MFSD6: variants seen among roughly 807,000 people sequenced by gnomAD.
The protein encoded by MFSD6 is major facilitator superfamily domain-containing protein 6.
A neutral mutation model predicts 56.3 loss-of-function variants in MFSD6; 26 were observed. The observed-to-expected ratio is 0.46, with a 90% CI of 0.34 to 0.64. MFSD6 has a LOEUF of 0.64. Among genes scored for constraint, MFSD6 ranks in the 30% least tolerant of loss-of-function variants. The probability of loss-of-function intolerance (pLI) is 0.01; values close to 1 mark genes in which losing one functional copy is unlikely to be tolerated. For missense variants in MFSD6, 750 were observed against 986.2 expected (o/e 0.76, Z 3.21); for synonymous variants, 331 against 366.9 (o/e 0.90, Z 1.12).
chr2:190,417,990 GTGTGTGTGTGTA>G lies in MFSD6; in HGVS notation c.-54+2582_-54+2593del, dbSNP rs1176494899. 5.2e-4 allele frequency among the ~76,000 whole-genome samples: 78 copies of G among 151,302 alleles called. No homozygotes were observed. The highest frequency in any genetic ancestry group is 3.2e-3 in the Middle Eastern group (1 of 316). On this transcript the variant is annotated intron_variant, in intron 2 of 7. Coordinates refer to ENST00000392328, the MANE Select transcript of MFSD6 (RefSeq NM_017694.4). This position sits in a 1 kb window ranked among gnomAD's most constrained non-coding sequence, Gnocchi z 5.7. ...GGTGTGTGTGTGTGTGTGTGTGTGT[GTGTGTGTGTGTA>G]TGTGAGAGAGAGAGAGATGTGGTTT...
At chr2:190,441,012 A>C (rs1210213334) in intron 3 of MFSD6, among the ~76,000 whole-genome samples, 1 of 152,180 alleles carries the variant, frequency 6.6e-6, no homozygotes, top group African/African-American at 2.4e-5. Flanking sequence ...AATAGCAGTA[A>C]GTATTATAAG....
chr2:190,489,766 A>AG lies in MFSD6; in HGVS notation c.1795dup. ...TCTATAGAGTGCTGTTTGTTTTTAT[A>AG]GGGGCTGCTGCAACCTTCCGAGGAA... On this transcript the variant is annotated splice_acceptor_variant, in intron 5 of 7. Transcript: ENST00000392328. LOFTEE classifies it high-confidence loss of function. The surrounding 1 kb of genome is among the most constrained non-coding windows in gnomAD (Gnocchi z 6.6). 1 of 1,613,622 alleles carries AG rather than the reference A, an allele frequency of 6.2e-7. No homozygotes were observed. The highest frequency in any genetic ancestry group is 1.1e-5 in the South Asian group (1 of 90,982).
Position 190,490,231 on chromosome 2 carries a change from G to A in MFSD6, c.1891+365G>A, listed in dbSNP as rs1040192975. Among the ~76,000 whole-genome samples, 2 of 151,328 alleles carry A rather than the reference G, an allele frequency of 1.3e-5. No homozygotes were observed. Among genetic ancestry groups the A allele is most frequent in the African/African-American group, 4.9e-5 (2 of 41,176 alleles). Reference sequence around the variant, plus strand: ...TTGCTACTAGGGATAGGGAGTGAGTGGTAATCTTCTCTATGACTTACCTTC... The same window carrying A: ...TTGCTACTAGGGATAGGGAGTGAGTAGTAATCTTCTCTATGACTTACCTTC... On this transcript the variant is annotated intron_variant, in intron 6 of 7. Coordinates refer to ENST00000392328, the MANE Select transcript of MFSD6 (RefSeq NM_017694.4). The surrounding 1 kb of genome is among the most constrained non-coding windows in gnomAD (Gnocchi z 4.5).
chr2:190,441,483 C>T (rs1395416412), intron 3 of MFSD6, among the ~76,000 whole-genome samples: 26 of 101,328 alleles, frequency 2.6e-4, no homozygotes, highest in African/African-American at 7.6e-4. Flanking sequence ...GGAGGAGGGG[C>T]GGGGGTTGGG....
In MFSD6 at chr2:190,410,340, G is replaced by A. The variant is rs1690508692; in HGVS notation, c.-176+1837G>A. On this transcript the variant is annotated intron_variant, in intron 1 of 7. Transcript: ENST00000392328. The surrounding 1 kb of genome is among the most constrained non-coding windows in gnomAD (Gnocchi z 4.4). ...GCAACTTACACAAACCACATAATCA[G>A]TAAGAGGTAGAGTTAAATTTGACCT... Among the ~76,000 whole-genome samples the A allele has an allele frequency of 6.6e-6, 1 of 152,142 alleles. No homozygotes were observed. Among genetic ancestry groups the A allele is most frequent in the South Asian group, 2.1e-4 (1 of 4,830 alleles).
intron 2 of MFSD6, 38 bp from the exon 3 acceptor site, chr2:190,435,939 T>A: frequency 6.8e-7 from 1 of 1,469,142 alleles, no homozygotes; most frequent in South Asian, 1.4e-5. Flanking sequence ...ATGTTATGAT[T>A]TTCATTACTA....
At chr2:190,427,223 T>C (rs1357180129) in intron 2 of MFSD6, among the ~76,000 whole-genome samples, 2 of 152,238 alleles carry the variant, frequency 1.3e-5, no homozygotes, top group African/African-American at 4.8e-5. Flanking sequence ...TGTGGCCTCA[T>C]TACTGCCTAG....
intron 3 of MFSD6, among the ~76,000 whole-genome samples, chr2:190,448,695 G>A (rs1415797983): frequency 6.6e-6 from 1 of 152,196 alleles, no homozygotes; most frequent in African/African-American, 2.4e-5. Flanking sequence ...TAAATTCACA[G>A]TTGCCCTAGC....
intron 4 of MFSD6, among the ~76,000 whole-genome samples, chr2:190,474,890 T>C (rs570522181): frequency 1.3e-5 from 2 of 152,322 alleles, no homozygotes; most frequent in Non-Finnish European, 2.9e-5. Context: ...GCTTCATCCC[T>C]GGGATGCAAG....
At chr2:190,442,516 C>G (rs1686417713) in intron 3 of MFSD6, 1 of 151,948 alleles carries the variant, frequency 6.6e-6, no homozygotes, top group African/African-American at 2.4e-5. Flanking sequence ...AAGCCAGGAG[C>G]CCACTGAGAA....
In MFSD6 at chr2:190,457,896, G is replaced by T. The variant is rs1687125644; in HGVS notation, c.1533-11862G>T. Among the ~76,000 whole-genome samples, 1 of 152,180 alleles carries T rather than the reference G, an allele frequency of 6.6e-6. No individual in the cohort carries two copies. Among genetic ancestry groups the T allele is most frequent in the South Asian group, 2.1e-4 (1 of 4,828 alleles). ...AAAACCAGATTAATTAGCACTGTTT[G>T]TAAAAGGTTTTCATTTGACCTCAAC... is the stretch of plus-strand genomic sequence containing the variant. On this transcript the variant is annotated intron_variant, in intron 3 of 7. Coordinates refer to ENST00000392328, the MANE Select transcript of MFSD6 (RefSeq NM_017694.4). The surrounding 1 kb of genome is among the most constrained non-coding windows in gnomAD (Gnocchi z 5.1).
chr2:190,468,584 C>G (rs777753314), intron 3 of MFSD6, among the ~76,000 whole-genome samples: 5 of 150,532 alleles, frequency 3.3e-5, no homozygotes, highest in Non-Finnish European at 2.9e-5. Flanking sequence ...TCCCAAGTAG[C>G]TGGGACTATA....
rs1031602525 is a variant in MFSD6, at chr2:190,433,257, T to G, written c.-53-2720T>G. The stretch of plus-strand genomic sequence containing the variant: ...ATTTGAAACACAAGAAATGTTTCTT[T>G]GAATTTTGAGCTCAGGAATTAAATT... On this transcript the variant is annotated intron_variant, in intron 2 of 7. Transcript: ENST00000392328. This position sits in a 1 kb window ranked among gnomAD's most constrained non-coding sequence, Gnocchi z 4.5. The G allele has an allele frequency of 6.6e-6, 1 of 151,358 alleles. No homozygotes were observed. Among genetic ancestry groups the G allele is most frequent in the African/African-American group, 2.4e-5 (1 of 41,408 alleles). The allele number at this position is 151,358 out of a possible 1,614,324, so 9.4% of individuals were successfully genotyped here. A position where few individuals can be genotyped will look rare whatever the true frequency, so the allele number is the denominator to read the frequency against.
rs1686069585 is a variant in MFSD6, at chr2:190,433,282, T to A, written c.-53-2695T>A. On this transcript the variant is annotated intron_variant, in intron 2 of 7. Transcript: ENST00000392328. The surrounding 1 kb of genome is among the most constrained non-coding windows in gnomAD (Gnocchi z 4.5). Reference sequence around the variant, plus strand: ...TGAATTTTGAGCTCAGGAATTAAATTAATTTAGAAAATAGATTTGAGGGCA... The same window carrying A: ...TGAATTTTGAGCTCAGGAATTAAATAAATTTAGAAAATAGATTTGAGGGCA... 6.6e-6 allele frequency: 1 copy of A among 151,700 alleles called. No homozygotes were observed. Among genetic ancestry groups the A allele is most frequent in the Non-Finnish European group, 1.5e-5 (1 of 68,016 alleles). The allele number at this position is 151,700 out of a possible 1,614,324, so 9.4% of individuals were successfully genotyped here.
At position 190,482,954 on chromosome 2, in the gene MFSD6, C is replaced by T. The variant is rs559098573; in HGVS notation, c.1631-5703C>T. On this transcript the variant is annotated intron_variant, in intron 4 of 7. Transcript: ENST00000392328. ...GGCCGGACTGCGGACTGCAGTGGCG[C>T]AATCTCGGCTCACTGCAAGCTCTGC... Among the ~76,000 whole-genome samples, 143 of 126,756 alleles carry T rather than the reference C, an allele frequency of 1.1e-3. 1 individual carries two copies. The highest frequency in any genetic ancestry group is 3.9e-3 in the African/African-American group (132 of 34,020). 83.2% of individuals were successfully genotyped at this position (126,756 alleles called of 152,430 possible). A position where few individuals can be genotyped will look rare whatever the true frequency, so the allele number is the denominator to read the frequency against.
chr2:190,465,369 G>A lies in MFSD6; in HGVS notation c.1533-4389G>A, dbSNP rs1234879087. Among the ~76,000 whole-genome samples the A allele has an allele frequency of 6.6e-6, 1 of 151,846 alleles. No individual in the cohort carries two copies. The highest frequency in any genetic ancestry group is 2.4e-5 in the African/African-American group (1 of 41,324). ...TGTTCTGAAATAGGACAGTCATGCT[G>A]TTTTTGAGTTTTATCATTATAGGTG... On this transcript the variant is annotated intron_variant, in intron 3 of 7. Coordinates refer to ENST00000392328, the MANE Select transcript of MFSD6 (RefSeq NM_017694.4). The surrounding 1 kb of genome is among the most constrained non-coding windows in gnomAD (Gnocchi z 4.6).
chr2:190,407,986 T>G, upstream of MFSD6, among the ~76,000 whole-genome samples: 1 of 151,522 alleles, frequency 6.6e-6, no homozygotes, highest in East Asian at 1.9e-4. The surrounding 1 kb of genome is among the most constrained non-coding windows in gnomAD (Gnocchi z 5.4). Flanking sequence ...GGGTGGAGGG[T>G]GCGGTAGGGA....
In MFSD6 at chr2:190,491,240, T is replaced by C. The variant is rs1368066489; in HGVS notation, c.1891+1374T>C. Among the ~76,000 whole-genome samples the C allele has an allele frequency of 6.6e-6, 1 of 152,186 alleles. No homozygotes were observed. The highest frequency in any genetic ancestry group is 2.4e-5 in the African/African-American group (1 of 41,436). ...AAATACTTGTGTTCTGGAGAGACTG[T>C]TATTGGGAAAATGGCAAGATAGGAG... On this transcript the variant is annotated intron_variant, in intron 6 of 7. Coordinates refer to ENST00000392328, the MANE Select transcript of MFSD6 (RefSeq NM_017694.4). The surrounding 1 kb of genome is among the most constrained non-coding windows in gnomAD (Gnocchi z 4.2).
chr2:190,411,798 AT>A (rs1690576665), intron 1 of MFSD6: 1 of 985,402 alleles, frequency 1.0e-6, no homozygotes, highest in Middle Eastern at 5.2e-4. Context: ...ACTGTAGCAT[AT>A]TCTACAACTC....
Sources: gnomAD v4.1 joint callset for allele counts (sites outside exome capture counted in the v4.1 genomes callset) on GRCh38, gnomAD v4.1.1 for gene constraint, Gnocchi (gnomAD v3.1) non-coding constraint, MANE v1.5 for transcripts, NCBI Gene and HGNC (gene_info 2026-07-23, HGNC 2026-07-21) for gene names.